HPR: variants seen among roughly 807,000 people sequenced by gnomAD.
HPR encodes haptoglobin-related protein.
HPR carries 17 observed loss-of-function variants against 18.5 expected under a neutral mutation model. The observed-to-expected ratio is 0.92, with a 90% CI of 0.63 to 1.38. The LOEUF (loss-of-function observed/expected upper bound fraction) is 1.38. HPR is among the 40% of genes most tolerant of loss of function. The probability of loss-of-function intolerance (pLI) is 0.00; values close to 1 mark genes in which losing one functional copy is unlikely to be tolerated. For missense variants in HPR, 457 were observed against 432.4 expected (o/e 1.06, Z -0.51); for synonymous variants, 176 against 165.0 (o/e 1.07, Z -0.51).
At chr16:72,070,202 C>T (rs1241523294) in intron 1 of HPR, among the ~76,000 whole-genome samples, 1 of 152,208 alleles carries the variant, frequency 6.6e-6, no homozygotes, top group African/African-American at 2.4e-5. Flanking sequence ...GAGATACTGG[C>T]CTTTCCCCTT....
intron 1 of HPR, among the ~76,000 whole-genome samples, chr16:72,072,590 C>T: frequency 6.6e-6 from 1 of 152,114 alleles, no homozygotes; most frequent in Admixed American, 6.5e-5. Context: ...ATGGGAAATT[C>T]TTTGGCAAAT....
intron 1 of HPR, among the ~76,000 whole-genome samples, chr16:72,066,580 A>C (rs559709053): frequency 6.6e-6 from 1 of 152,322 alleles, no homozygotes; most frequent in South Asian, 2.1e-4. Context: ...AGCATTTGAT[A>C]TACAACAGGA....
At chr16:72,072,607 G>A (rs1468172108) in intron 1 of HPR, among the ~76,000 whole-genome samples, 2 of 152,064 alleles carry the variant, frequency 1.3e-5, no homozygotes, top group African/African-American at 2.4e-5. Context: ...AAATGGAAGG[G>A]ATTTATGTCC....
chr16:72,076,746 C>T lies in HPR; in HGVS notation c.712C>T (p.Leu238=). Residue 238 remains leucine (L), a synonymous_variant, in exon 5 of 5, where the codon CTG becomes TTG. Transcript: ENST00000540303. ...QSDNFKLTDH[L]KYVMLPVADQ... ...TGACAACTTTAAACTTACTGACCAT[C>T]TGAAGTATGTCATGCTGCCTGTGGC... The T allele has an allele frequency of 1.9e-6, 3 of 1,614,236 alleles. No homozygotes were observed. The highest frequency in any genetic ancestry group is 2.5e-6 in the Non-Finnish European group (3 of 1,180,040).
chr16:72,072,512 A>G (rs1299131648), intron 1 of HPR, among the ~76,000 whole-genome samples: 2 of 152,186 alleles, frequency 1.3e-5, no homozygotes, highest in Non-Finnish European at 2.9e-5. Context: ...AAAGCACTAC[A>G]AGGTCTTACT....
rs1020470480 is a variant in HPR, at chr16:72,074,229, G to A, written c.92-55G>A. The A allele has an allele frequency of 4.2e-5, 63 of 1,517,318 alleles. No individual in the cohort carries two copies. The Admixed American group carries it at 9.5e-4, about 23-fold the overall frequency. 94.0% of individuals were successfully genotyped at this position (1,517,318 alleles called of 1,614,324 possible). On this transcript the variant is annotated intron_variant, in intron 2 of 4. Coordinates refer to ENST00000540303, the MANE Select transcript of HPR (RefSeq NM_020995.4). ...GCTTCCACTCATCTGACTTTTCATG[G>A]GTCTCTGGGAACAATTTCCAAATGG...
At chr16:72,073,170 T>C (rs1000101977) in intron 1 of HPR, among the ~76,000 whole-genome samples, 6 of 152,152 alleles carry the variant, frequency 3.9e-5, no homozygotes, top group African/African-American at 1.4e-4. Context: ...ACGGTCCAAC[T>C]CTAGCCAATG....
At chr16:72,068,940 T>C (rs1050810345) in intron 1 of HPR, among the ~76,000 whole-genome samples, 5 of 152,110 alleles carry the variant, frequency 3.3e-5, no homozygotes, top group African/African-American at 1.2e-4. Context: ...TCAGGCCAGA[T>C]CTAGGAAAGA....
chr16:72,072,638 C>T (rs2041669589), intron 1 of HPR, among the ~76,000 whole-genome samples: 1 of 152,062 alleles, frequency 6.6e-6, no homozygotes, highest in Non-Finnish European at 1.5e-5. Flanking sequence ...TGTCTCTTGC[C>T]ATCAGAATAG....
At chr16:72,071,952 T>A (rs1475796831) in intron 1 of HPR, among the ~76,000 whole-genome samples, 1 of 152,128 alleles carries the variant, frequency 6.6e-6, no homozygotes, top group Non-Finnish European at 1.5e-5. Context: ...CACGTTCTTC[T>A]GGTGGTTAAC....
chr16:72,074,409 G>GT, intron 3 of HPR, 24 bp downstream of exon 3: 1 of 1,549,896 alleles, frequency 6.5e-7, no homozygotes, highest in Non-Finnish European at 8.9e-7. Context: ...AACTATCTCT[G>GT]TGCTCTACCT....
intron 1 of HPR, among the ~76,000 whole-genome samples, chr16:72,072,340 A>C (rs1443318636): frequency 6.6e-6 from 1 of 152,220 alleles, no homozygotes; most frequent in African/African-American, 2.4e-5. Flanking sequence ...AGATGCTCTT[A>C]AAGGGACAGC....
At chr16:72,074,930 C>T (rs546364597) in intron 3 of HPR, among the ~76,000 whole-genome samples, 1 of 152,340 alleles carries the variant, frequency 6.6e-6, no homozygotes, top group Admixed American at 6.5e-5. Flanking sequence ...GCCATCACCA[C>T]AGTGTGTTCT....
At chr16:72,066,459 C>A (rs1295957833) in intron 1 of HPR, among the ~76,000 whole-genome samples, 1 of 152,164 alleles carries the variant, frequency 6.6e-6, no homozygotes, top group Non-Finnish European at 1.5e-5. Flanking sequence ...CCAAGCAAGA[C>A]TCCTGGTGGG....
At chr16:72,069,929 C>T (rs2041637397) in intron 1 of HPR, among the ~76,000 whole-genome samples, 1 of 152,166 alleles carries the variant, frequency 6.6e-6, no homozygotes, top group East Asian at 1.9e-4. Flanking sequence ...TAATTGAAAA[C>T]ATTGTACCCA....
In HPR at chr16:72,073,994, G is replaced by C. The variant is rs1234364482; in HGVS notation, c.91+17G>C. On this transcript the variant is annotated intron_variant, in intron 2 of 4. Coordinates refer to ENST00000540303, the MANE Select transcript of HPR (RefSeq NM_020995.4). ...ATATTTCAGGTCAGTCTTTGAGTTG[G>C]GTAGGAGCATGCATCCCTGGCACTG... 1.1e-5 allele frequency: 17 copies of C among 1,613,770 alleles called. No homozygotes were observed. Among genetic ancestry groups the C allele is most frequent in the Non-Finnish European group, 1.4e-5 (16 of 1,179,960 alleles).
At chr16:72,074,585 T>G in intron 3 of HPR, 200 bp downstream of exon 3, 2 of 721,946 alleles carry the variant, frequency 2.8e-6, no homozygotes, top group Non-Finnish European at 5.2e-6. Context: ...GGTTTTCTGT[T>G]TTGTTAAGGG....
chr16:72,073,692 G>C lies in HPR; in HGVS notation c.6-200G>C, dbSNP rs117637662. 1.1e-5 allele frequency: 16 copies of C among 1,475,902 alleles called. 1 individual carries two copies. The East Asian group carries it at 4.4e-4, about 41-fold the overall frequency. The allele number at this position is 1,475,902 out of a possible 1,614,324, so 91.4% of individuals were successfully genotyped here. A position where few individuals can be genotyped will look rare whatever the true frequency, so the allele number is the denominator to read the frequency against. The stretch of plus-strand genomic sequence containing the variant: ...AGCAGCTAAAGCGTGTATGTGGGGC[G>C]GAGGGTGGGGGCAACTTCTTGGTCC... On this transcript the variant is annotated intron_variant, in intron 1 of 4. Transcript: ENST00000540303.
At chr16:72,067,336 A>T (rs1000352952) in intron 1 of HPR, among the ~76,000 whole-genome samples, 4 of 152,180 alleles carry the variant, frequency 2.6e-5, no homozygotes, top group Non-Finnish European at 5.9e-5. Context: ...AGAAGAACTT[A>T]TAGTCTCTGA....
Sources: gnomAD v4.1 joint callset for allele counts (sites outside exome capture counted in the v4.1 genomes callset) on GRCh38, gnomAD v4.1.1 for gene constraint, MANE v1.5 for transcripts, NCBI Gene and HGNC (gene_info 2026-07-23, HGNC 2026-07-21) for gene names.